AP2A1: variants seen among roughly 807,000 people sequenced by gnomAD.
The protein encoded by AP2A1 is AP-2 complex subunit alpha-1.
In AP2A1, 21 loss-of-function variants were observed where a neutral mutation model predicts 107.3. The ratio of observed to expected loss-of-function variants is 0.20; its 90% CI spans 0.14 to 0.28. AP2A1 has a LOEUF of 0.28. AP2A1 is among the 10% of genes least tolerant of loss of function. AP2A1 has a pLI of 1.00. For synonymous variants in AP2A1, 602 were observed against 564.8 expected, an observed-to-expected ratio of 1.07 and a Z score of -0.93; for missense variants, 873 against 1,307.7, an observed-to-expected ratio of 0.67 and a Z score of 5.13.
Position 49,805,584 on chromosome 19 carries a change from A to C in AP2A1, c.2468+8A>C. The C allele has an allele frequency of 6.4e-7, 1 of 1,569,932 alleles. No individual in the cohort carries two copies. Among genetic ancestry groups the C allele is most frequent in the Middle Eastern group, 1.7e-4 (1 of 5,886 alleles). ...GCTGTCCGTGCGCTTCCGGTGAGTCAGGTACGGCGCGGCCGGTGGGCGGAG... is the reference window on the plus strand; with the variant it reads ...GCTGTCCGTGCGCTTCCGGTGAGTCCGGTACGGCGCGGCCGGTGGGCGGAG... On this transcript the variant is annotated splice_region_variant and intron_variant, in intron 19 of 22. Transcript: ENST00000354293.
intron 1 of AP2A1, among the ~76,000 whole-genome samples, chr19:49,768,742 A>C (rs886693902): frequency 2.6e-5 from 4 of 152,172 alleles, no homozygotes; most frequent in Non-Finnish European, 4.4e-5. Context: ...CACTGTTAGC[A>C]GACGGGGGCT....
chr19:49,772,330 G>A (rs1411441394), intron 1 of AP2A1, among the ~76,000 whole-genome samples: 3 of 120,500 alleles, frequency 2.5e-5, no homozygotes, highest in Admixed American at 2.3e-4. Flanking sequence ...CGCGATCTCC[G>A]CTCACTGCAA....
chr19:49,783,076 A>G (rs1164818631), intron 4 of AP2A1, among the ~76,000 whole-genome samples: 2 of 152,220 alleles, frequency 1.3e-5, no homozygotes, highest in African/African-American at 2.4e-5. Context: ...AGCACATACT[A>G]TGTGCCAGGC....
At chr19:49,786,028 C>G (rs1217136737) in intron 4 of AP2A1, among the ~76,000 whole-genome samples, 1 of 151,664 alleles carries the variant, frequency 6.6e-6, no homozygotes. Context: ...TGCAGTGAGC[C>G]GAGATTGCAC....
At chr19:49,803,740 T>C (rs2073323205) in intron 18 of AP2A1, 1 of 351,442 alleles carries the variant, frequency 2.8e-6, no homozygotes, top group South Asian at 2.4e-5. Flanking sequence ...TGATCAGGCC[T>C]GATCTGGGCT....
chr19:49,802,837 A>G (rs1361087965), intron 15 of AP2A1, 112 bp from the exon 16 acceptor site: 5 of 1,287,932 alleles, frequency 3.9e-6, no homozygotes, highest in Admixed American at 2.0e-5. Flanking sequence ...AGGGGTCTGG[A>G]TATGTGGTTC....
rs1318137315 is a variant in AP2A1, at chr19:49,771,512, G to A, written c.67+4312G>A. On this transcript the variant is annotated intron_variant, in intron 1 of 22. Coordinates refer to ENST00000354293, the MANE Select transcript of AP2A1 (RefSeq NM_130787.3). ...CACCCTCCATTTCCCAGGTTCAAGC[G>A]ATTCTCCTGCCTCAGCCTCCCGAGT... Among the ~76,000 whole-genome samples, 4 of 151,554 alleles carry A rather than the reference G, an allele frequency of 2.6e-5. No individual in the cohort carries two copies. The South Asian group carries it at 6.3e-4, about 24-fold the overall frequency.
Position 49,802,929 on chromosome 19 carries a change from ACT to A in AP2A1, c.2115-17_2115-16del. On this transcript the variant is annotated intron_variant, in intron 15 of 22. Coordinates refer to ENST00000354293, the MANE Select transcript of AP2A1 (RefSeq NM_130787.3). ...TCCCCACCAAGTTCCTTCCCATCTC[ACT>A]CTGCTCCATGCCTCCAGCCCAGGTC... 1 of 1,609,950 alleles carries A rather than the reference ACT, an allele frequency of 6.2e-7. No individual in the cohort carries two copies. Among genetic ancestry groups the A allele is most frequent in the South Asian group, 1.1e-5 (1 of 90,444 alleles).
chr19:49,793,898 CTTTTTTTTTTTTTTT>C (rs956804227), intron 6 of AP2A1, among the ~76,000 whole-genome samples: 3 of 74,584 alleles, frequency 4.0e-5, no homozygotes, highest in African/African-American at 1.5e-4. Flanking sequence ...CTCATTGTTT[CTTTTTTTTTTTTTTT>C]TTTTTTTTTT....
intron 1 of AP2A1, among the ~76,000 whole-genome samples, chr19:49,779,487 CAAAAAAA>C (rs370114853): frequency 6.0e-5 from 5 of 83,958 alleles, no homozygotes; most frequent in Non-Finnish European, 4.4e-5. Context: ...GCCTGGGCTA[CAAAAAAA>C]AAAAAAAAAA....
At chr19:49,776,575 C>A (rs943471490) in intron 1 of AP2A1, among the ~76,000 whole-genome samples, 1 of 152,164 alleles carries the variant, frequency 6.6e-6, no homozygotes, top group Admixed American at 6.6e-5. Context: ...ATGAGAGAAT[C>A]CCTTTAAAAC....
At chr19:49,771,571 G>A (rs906504660) in intron 1 of AP2A1, among the ~76,000 whole-genome samples, 10 of 151,746 alleles carry the variant, frequency 6.6e-5, no homozygotes, top group African/African-American at 2.4e-4. Context: ...ACTATGCCCC[G>A]CTGATTTTTG....
chr19:49,787,967 G>T (rs1359530545), intron 4 of AP2A1, among the ~76,000 whole-genome samples: 1 of 152,164 alleles, frequency 6.6e-6, no homozygotes, highest in Non-Finnish European at 1.5e-5. Flanking sequence ...ATTTGCTCGA[G>T]ATAGAGTCTC....
intron 1 of AP2A1, among the ~76,000 whole-genome samples, chr19:49,780,020 T>C (rs926921894): frequency 3.3e-5 from 5 of 152,252 alleles, no homozygotes; most frequent in African/African-American, 1.2e-4. Flanking sequence ...ATGGCACATA[T>C]ACTTGCTTTC....
chr19:49,801,285 T>C (rs2073275633), intron 12 of AP2A1, 105 bp from the exon 13 acceptor site: 2 of 1,222,024 alleles, frequency 1.6e-6, no homozygotes, highest in Admixed American at 2.0e-5. Flanking sequence ...CTCCAGCAGC[T>C]TGGGGTCCTG....
At chr19:49,779,507 A>AAC (rs1310784902) in intron 1 of AP2A1, among the ~76,000 whole-genome samples, 1 of 151,368 alleles carries the variant, frequency 6.6e-6, no homozygotes, top group Admixed American at 6.6e-5. Flanking sequence ...AAAAAAAAAA[A>AAC]AAAACAGAAA....
intron 1 of AP2A1, among the ~76,000 whole-genome samples, chr19:49,770,170 G>C (rs1229537504): frequency 4.6e-5 from 7 of 152,112 alleles, no homozygotes; most frequent in Admixed American, 4.6e-4. Context: ...CACCCAGCCT[G>C]GGATACAACT....
intron 6 of AP2A1, among the ~76,000 whole-genome samples, chr19:49,795,193 C>T (rs1156944769): frequency 6.6e-6 from 1 of 152,148 alleles, no homozygotes; most frequent in Non-Finnish European, 1.5e-5. Context: ...AGGAGGGGGC[C>T]CTGGGAAACT....
At position 49,805,921 on chromosome 19, in the gene AP2A1, G is replaced by A. The variant is rs758537502; in HGVS notation, c.2635G>A (p.Ala879Thr). ...CTTCAAAGCCAACCACCCCATGGAC[G>A]CAGAAGTTACTAAGGCCAAGGTGAG... Reference protein sequence around the residue: ...KIFKANHPMDAEVTKAKLLGF... With the variant: ...KIFKANHPMDTEVTKAKLLGF... Residue 879 changes from alanine to threonine, a missense_variant, in exon 21 of 23, where the codon GCA becomes ACA. By Grantham distance (58) the Ala-to-Thr change is moderately conservative. Coordinates refer to ENST00000354293, the MANE Select transcript of AP2A1 (RefSeq NM_130787.3). 1.9e-6 allele frequency: 3 copies of A among 1,613,848 alleles called. No homozygotes were observed. Among genetic ancestry groups the A allele is most frequent in the East Asian group, 2.2e-5 (1 of 44,886 alleles).
Sources: allele counts gnomAD v4.1 joint callset (sites outside exome capture counted in the v4.1 genomes callset), GRCh38; gene constraint gnomAD v4.1.1; transcripts MANE v1.5; gene names NCBI Gene and HGNC (gene_info 2026-07-23, HGNC 2026-07-21).